Variants in KIF13B observed in about 807,000 individuals in gnomAD.
KIF13B encodes the protein kinesin family member 13B.
In KIF13B, 127 loss-of-function variants were observed where a neutral mutation model predicts 222.0. The observed-to-expected ratio is 0.57, with a 90% CI of 0.50 to 0.66. The LOEUF (loss-of-function observed/expected upper bound fraction) is 0.66, where lower values mean the gene tolerates loss of function less well. Ranked by LOEUF, KIF13B falls within the 30% of genes least tolerant of loss-of-function variation. The pLI, the probability that KIF13B is intolerant of heterozygous loss-of-function variation, is 0.00. For synonymous variants in KIF13B, 976 were observed against 919.0 expected (o/e 1.06, Z -1.12); for missense variants, 2,173 against 2,379.0 (o/e 0.91, Z 1.80).
chr8:29,071,727 C>A lies in KIF13B; in HGVS notation c.5111G>T (p.Gly1704Val), dbSNP rs1409842586. Reference protein sequence around the residue: ...ADEVPEWLREGEFVTVGAHKT... With the variant: ...ADEVPEWLREVEFVTVGAHKT... ...GTGGGCGCCCACGGTGACGAACTCGCCCTCTCGGAGCCACTCCGGGACCTC... is the reference window on the plus strand; with the variant it reads ...GTGGGCGCCCACGGTGACGAACTCGACCTCTCGGAGCCACTCCGGGACCTC... The change falls in exon 39 of 40, where the codon GGC becomes GTC. Residue 1704 changes from glycine to valine, a missense_variant. By Grantham distance (109) the Gly-to-Val change is moderately radical. This residue lies in a region of KIF13B where 693 missense variants were observed against 656.2 expected (regional missense o/e 1.06). Transcript: ENST00000524189. This position sits in a 1 kb window ranked among gnomAD's most constrained non-coding sequence, Gnocchi z 4.9. 6.5e-7 allele frequency: 1 copy of A among 1,550,110 alleles called. No individual in the cohort carries two copies. Among genetic ancestry groups the A allele is most frequent in the South Asian group, 1.2e-5 (1 of 84,062 alleles).
intron 2 of KIF13B, among the ~76,000 whole-genome samples, chr8:29,241,030 G>T (rs1352766993): frequency 1.3e-5 from 2 of 152,114 alleles, no homozygotes; most frequent in African/African-American, 2.4e-5. Context: ...TATCCATGAA[G>T]CCAAAAGAGT....
rs567499194 is a variant in KIF13B at position 29,079,628 on chromosome 8, A to G, written c.4459-4285T>C. Among the ~76,000 whole-genome samples the G allele has an allele frequency of 4.6e-5, 7 of 152,224 alleles. 1 individual carries two copies. The highest frequency in any genetic ancestry group is 7.3e-5 in the Non-Finnish European group (5 of 68,040). The stretch of plus-strand genomic sequence containing the variant: ...TGGGCATCGGGGAGGTAAAGGGGAA[A>G]AGAGGTCCCAGTTGAAACAAAAAAA... On this transcript the variant is annotated intron_variant, in intron 37 of 39. Coordinates refer to ENST00000524189, the MANE Select transcript of KIF13B (RefSeq NM_015254.4).
chr8:29,096,058 T>G (rs960797516), intron 36 of KIF13B, among the ~76,000 whole-genome samples: 3 of 151,164 alleles, frequency 2.0e-5, no homozygotes, highest in African/African-American at 7.3e-5. Flanking sequence ...CTTGGCTCAC[T>G]GCAGCCTCTG....
At chr8:29,155,219 C>G (rs1490937029) in intron 14 of KIF13B, among the ~76,000 whole-genome samples, 1 of 152,190 alleles carries the variant, frequency 6.6e-6, no homozygotes, top group East Asian at 1.9e-4. Flanking sequence ...TAAGGGTTCA[C>G]AGCCCACAGG....
At position 29,212,487 on chromosome 8, in the gene KIF13B, G is replaced by C. The variant is rs141050403; in HGVS notation, c.150-16288C>G. The stretch of plus-strand genomic sequence containing the variant: ...TGAGAATCTTCTAAAGACGTGTTTA[G>C]ACTTTAAAGAAGAGAAAAATTTTCT... On this transcript the variant is annotated intron_variant, in intron 2 of 39. Transcript: ENST00000524189. Among the ~76,000 whole-genome samples the C allele has an allele frequency of 8.2e-3, 1,245 of 152,132 alleles. 7 individuals are homozygous for C. The highest frequency in any genetic ancestry group is 0.014 in the African/African-American group (586 of 41,496).
intron 2 of KIF13B, among the ~76,000 whole-genome samples, chr8:29,238,267 A>G (rs1008690285): frequency 2.6e-5 from 4 of 152,244 alleles, no homozygotes; most frequent in Non-Finnish European, 5.9e-5. Flanking sequence ...CATGTATGCC[A>G]TAAGGCCCTC....
intron 18 of KIF13B, 57 bp downstream of exon 18, chr8:29,146,321 T>C (rs1811056722): frequency 6.4e-7 from 1 of 1,557,030 alleles, no homozygotes; most frequent in South Asian, 1.1e-5. Flanking sequence ...CACCAGGAAA[T>C]ATCAGGCGAT....
At position 29,155,805 on chromosome 8, in the gene KIF13B, T is replaced by G. The variant is rs758745849; in HGVS notation, c.1456A>C (p.Met486Leu). 3.1e-6 allele frequency: 5 copies of G among 1,593,048 alleles called. No individual in the cohort carries two copies. The highest frequency in any genetic ancestry group is 4.3e-6 in the Non-Finnish European group (5 of 1,168,398). Residue 486 changes from methionine to leucine, a missense_variant, in exon 14 of 40, where the codon ATG becomes CTG. Around this residue, in one of 2 missense-constraint regions of KIF13B, gnomAD observed 1,480 missense variants for 1,722.8 expected, o/e 0.86. Coordinates refer to ENST00000524189, the MANE Select transcript of KIF13B (RefSeq NM_015254.4). ...ATACAGTGTTCAGGAAGAATTCCCA[T>G]GCCGCACAGTTGGATATCTTGGGAA... is the stretch of plus-strand genomic sequence containing the variant. ...ANSQDIQLCG[M>L]GILPEHCIID...
chr8:29,085,168 A>T (rs1369143823), intron 37 of KIF13B, among the ~76,000 whole-genome samples: 4 of 152,260 alleles, frequency 2.6e-5, no homozygotes, highest in Non-Finnish European at 5.9e-5. Flanking sequence ...AAGTAACAAG[A>T]AAATAATAAC....
At chr8:29,221,486 G>C (rs1381839409) in intron 2 of KIF13B, among the ~76,000 whole-genome samples, 1 of 148,402 alleles carries the variant, frequency 6.7e-6, no homozygotes, top group African/African-American at 2.5e-5. Context: ...AAAAAGGAAA[G>C]AAAAAGCAGC....
intron 1 of KIF13B, among the ~76,000 whole-genome samples, chr8:29,247,817 G>C (rs1816095627): frequency 8.6e-6 from 1 of 116,308 alleles, no homozygotes; most frequent in Non-Finnish European, 1.6e-5. Flanking sequence ...CTAGGTGTGA[G>C]AGTAAGACCC....
At chr8:29,161,699 A>AC (rs61187527) in intron 12 of KIF13B, among the ~76,000 whole-genome samples, 101,272 of 141,490 alleles carry the variant, frequency 0.72, 38,070 homozygotes, top group Non-Finnish European at 0.86. Context: ...CCATCTCAAA[A>AC]CCCCCCCCCA....
At chr8:29,146,951 T>C (rs752200576) in intron 17 of KIF13B, among the ~76,000 whole-genome samples, 6 of 152,204 alleles carry the variant, frequency 3.9e-5, no homozygotes, top group Non-Finnish European at 8.8e-5. Flanking sequence ...TCTGCAACCA[T>C]GGGATAAGGC....
chr8:29,072,163 T>C lies in KIF13B; in HGVS notation c.4675A>G (p.Ser1559Gly). The change falls in exon 39 of 40, where the codon AGC (serine) becomes GGC (glycine). Residue 1559 changes from serine (S) to glycine (G), a missense_variant. This residue lies in a region of KIF13B where 693 missense variants were observed against 656.2 expected (regional missense o/e 1.06). Transcript: ENST00000524189. ...PAPEAQDGPP[S>G]PLSEASSGYF... ...CCGCTAGAGGCTTCACTCAGGGGGC[T>C]GGGGGGCCCGTCCTGTGCCTCCGGA... The C allele has an allele frequency of 1.4e-6, 2 of 1,422,228 alleles. No individual in the cohort carries two copies. Among genetic ancestry groups the C allele is most frequent in the Non-Finnish European group, 1.8e-6 (2 of 1,087,622 alleles). The allele number at this position is 1,422,228 out of a possible 1,614,324, so 88.1% of individuals were successfully genotyped here.
intron 10 of KIF13B, among the ~76,000 whole-genome samples, chr8:29,168,329 T>A (rs1350240386): frequency 6.6e-6 from 1 of 152,118 alleles, no homozygotes; most frequent in Non-Finnish European, 1.5e-5. Flanking sequence ...TTGAGAACAT[T>A]AAAAATAGAG....
At chr8:29,252,866 T>C (rs1586990884) in intron 1 of KIF13B, among the ~76,000 whole-genome samples, 1 of 152,188 alleles carries the variant, frequency 6.6e-6, no homozygotes, top group Non-Finnish European at 1.5e-5. Context: ...AAAAAAATTA[T>C]GTGATACCAT....
At position 29,155,768 on chromosome 8, in the gene KIF13B, G is replaced by C. The variant is rs778864660; in HGVS notation, c.1493C>G (p.Thr498Arg). 1.9e-6 allele frequency: 3 copies of C among 1,603,064 alleles called. No individual in the cohort carries two copies. In the South Asian group the frequency reaches 3.4e-5, roughly 18 times the overall value. Reference sequence around the variant, plus strand: ...AGTCAGCATAACCTGGCCTTCTGACGTGATGTCTATAATACAGTGTTCAGG... The same window carrying C: ...AGTCAGCATAACCTGGCCTTCTGACCTGATGTCTATAATACAGTGTTCAGG... Reference protein sequence around the residue: ...ILPEHCIIDITSEGQVMLTPQ... With the variant: ...ILPEHCIIDIRSEGQVMLTPQ... Residue 498 changes from threonine to arginine, a missense_variant, in exon 14 of 40, where the codon ACG becomes AGG. By Grantham distance (71) the Thr-to-Arg change is moderately conservative (BLOSUM62 -1). This residue lies in a region of KIF13B where 1,480 missense variants were observed against 1,722.8 expected (regional missense o/e 0.86). Transcript: ENST00000524189.
intron 24 of KIF13B, among the ~76,000 whole-genome samples, chr8:29,128,094 T>C (rs1453427926): frequency 1.3e-5 from 2 of 149,460 alleles, no homozygotes; most frequent in African/African-American, 4.9e-5. Flanking sequence ...TTGTATATAA[T>C]ACATAAAATA....
chr8:29,109,951 T>A lies in KIF13B; in HGVS notation c.4050A>T (p.Val1350=). 6.2e-7 allele frequency: 1 copy of A among 1,613,610 alleles called. No individual in the cohort carries two copies. The highest frequency in any genetic ancestry group is 8.5e-7 in the Non-Finnish European group (1 of 1,179,766). The change falls in exon 33 of 40, where the codon GTA becomes GTT. Residue 1350 remains valine, a synonymous_variant. Transcript: ENST00000524189. ...GACGATCTAAAGTCAGGAGGTTTTCTACAGCCAGCACGCTCCTGAGGTACT... is the reference window on the plus strand; with the variant it reads ...GACGATCTAAAGTCAGGAGGTTTTCAACAGCCAGCACGCTCCTGAGGTACT... The part of the protein sequence containing the change: ...IEKYLRSVLA[V]ENLLTLDRLR...
Sources: allele counts gnomAD v4.1 joint callset (sites outside exome capture counted in the v4.1 genomes callset), GRCh38; gene constraint gnomAD v4.1.1; regional missense constraint gnomAD v4.1.1; non-coding constraint Gnocchi (gnomAD v3.1); transcripts MANE v1.5; gene names NCBI Gene and HGNC (gene_info 2026-07-23, HGNC 2026-07-21).